The following TM9SF2 variants were observed in gnomAD, a reference collection of about 807,000 sequenced individuals.
TM9SF2 encodes the protein transmembrane 9 superfamily member 2, also known as 76 kDa membrane protein.
TM9SF2 carries 13 observed loss-of-function variants against 84.9 expected under a neutral mutation model. That is an observed-to-expected ratio of 0.15 (90% CI 0.10 to 0.24). The LOEUF (loss-of-function observed/expected upper bound fraction) is 0.24. Ranked by LOEUF, TM9SF2 falls within the 10% of genes least tolerant of loss-of-function variation. The pLI is 1.00. For synonymous variants in TM9SF2, 273 were observed against 285.8 expected, an observed-to-expected ratio of 0.96 and a Z score of 0.45; for missense variants, 562 against 818.5, an observed-to-expected ratio of 0.69 and a Z score of 3.82.
chr13:99,537,687 G>A, intron 5 of TM9SF2, 52 bp from the exon 6 acceptor site: 1 of 1,457,150 alleles, frequency 6.9e-7, no homozygotes, highest in Non-Finnish European at 9.2e-7. Flanking sequence ...TTTAAGTTTT[G>A]ACTCTTATGT....
At chr13:99,519,609 C>T (rs372954278) in intron 2 of TM9SF2, 4 of 162,350 alleles carry the variant, frequency 2.5e-5, no homozygotes, top group South Asian at 1.6e-4. Context: ...GGCAAGTGTA[C>T]TGAGATGAGA....
At chr13:99,519,503 C>G (rs992342567) in intron 2 of TM9SF2, 6 of 152,744 alleles carry the variant, frequency 3.9e-5, no homozygotes, top group African/African-American at 1.4e-4. Flanking sequence ...AAGGGAATTA[C>G]AACACAGGGA....
chr13:99,558,331 A>G (rs1428336773), intron 15 of TM9SF2, among the ~76,000 whole-genome samples: 1 of 152,174 alleles, frequency 6.6e-6, no homozygotes, highest in Non-Finnish European at 1.5e-5. Context: ...GAATTTGAGG[A>G]TTAACTTTTC....
chr13:99,562,740 T>G lies in TM9SF2; in HGVS notation c.1974T>G (p.Ser658Arg). 6.2e-7 allele frequency: 1 copy of G among 1,613,540 alleles called. No individual in the cohort carries two copies. Among genetic ancestry groups the G allele is most frequent in the Non-Finnish European group, 8.5e-7 (1 of 1,179,746 alleles). ...TTTGGTTTGTTACCAAAATATACAG[T>G]GTGGTGAAGGTTGACTGAAGAAGTC... ...ACFWFVTKIY[S>R]VVKVD is the part of the protein sequence containing the mutation. The change falls in exon 17 of 17, where the codon AGT (serine) becomes AGG (arginine). Residue 658 changes from serine (S) to arginine (R), a missense_variant. By Grantham distance (110) the Ser-to-Arg change is moderately radical. Around this residue, in one of 4 missense-constraint regions of TM9SF2, gnomAD observed 63 missense variants for 109.2 expected, o/e 0.58. Coordinates refer to ENST00000376387, the MANE Select transcript of TM9SF2 (RefSeq NM_004800.3).
At chr13:99,547,163 G>T in intron 11 of TM9SF2, 59 bp downstream of exon 11, 1 of 1,600,592 alleles carries the variant, frequency 6.2e-7, no homozygotes, top group Non-Finnish European at 8.5e-7. Flanking sequence ...TGCGGCTGTG[G>T]ATCTGACCTG....
At position 99,501,514 on chromosome 13, in the gene TM9SF2, C is replaced by G. The variant is rs1274779802; in HGVS notation, c.-93C>G. ...CCTTCTGGGGGCCGGCTTCCTTTAT[C>G]TCTGGCGGCCTTGTAGTCGTCTCCG... On this transcript the variant is annotated 5_prime_UTR_variant, in exon 1 of 17. It adds an upstream start codon to the 5' untranslated region. Coordinates refer to ENST00000376387, the MANE Select transcript of TM9SF2 (RefSeq NM_004800.3). 6.8e-7 allele frequency: 1 copy of G among 1,478,318 alleles called. No homozygotes were observed. The highest frequency in any genetic ancestry group is 9.1e-7 in the Non-Finnish European group (1 of 1,101,790). 91.6% of individuals were successfully genotyped at this position (1,478,318 alleles called of 1,614,324 possible).
intron 4 of TM9SF2, among the ~76,000 whole-genome samples, chr13:99,532,371 T>G (rs1204599113): frequency 6.6e-6 from 1 of 152,068 alleles, no homozygotes; most frequent in Non-Finnish European, 1.5e-5. Context: ...TTTTTAGCTC[T>G]TTCTTCTACC....
Position 99,501,754 on chromosome 13 carries a change from GA to G in TM9SF2, c.155del (p.Lys52ArgfsTer9). 1 of 1,609,040 alleles carries G rather than the reference GA, an allele frequency of 6.2e-7. No individual in the cohort carries two copies. On this transcript the variant is annotated frameshift_variant, in exon 1 of 17. Coordinates refer to ENST00000376387, the MANE Select transcript of TM9SF2 (RefSeq NM_004800.3). LOFTEE classifies it high-confidence loss of function. ...GGCGCCCGTCAACTTCTGCGACGAAGAAAAAAAGAGCGACGAGTGCAAGGTG... is the reference window on the plus strand; with the variant it reads ...GGCGCCCGTCAACTTCTGCGACGAAGAAAAAAGAGCGACGAGTGCAAGGTG... ...GLAPVNFCDE[E>X]KKSDECKAEI...
At chr13:99,527,700 G>A (rs2046190048) in intron 3 of TM9SF2, among the ~76,000 whole-genome samples, 1 of 152,178 alleles carries the variant, frequency 6.6e-6, no homozygotes, top group African/African-American at 2.4e-5. Context: ...CCTCAGATAT[G>A]GACTTTGATA....
intron 1 of TM9SF2, among the ~76,000 whole-genome samples, chr13:99,508,436 CA>C (rs1566562069): frequency 1.3e-5 from 2 of 151,428 alleles, no homozygotes; most frequent in African/African-American, 4.9e-5. Context: ...CACACACACA[CA>C]CACACACCCC....
At chr13:99,557,404 A>G (rs2046328968) in intron 15 of TM9SF2, among the ~76,000 whole-genome samples, 1 of 152,024 alleles carries the variant, frequency 6.6e-6, no homozygotes, top group Admixed American at 6.6e-5. Context: ...GTAAGAGTTT[A>G]TTTATTTATT....
At chr13:99,561,147 G>A (rs932427344) in intron 16 of TM9SF2, among the ~76,000 whole-genome samples, 4 of 152,156 alleles carry the variant, frequency 2.6e-5, no homozygotes, top group African/African-American at 9.7e-5. Flanking sequence ...GAAGCATTCT[G>A]GATAAGGGAG....
At chr13:99,556,063 T>C (rs2046323521) in intron 15 of TM9SF2, among the ~76,000 whole-genome samples, 1 of 152,208 alleles carries the variant, frequency 6.6e-6, no homozygotes, top group Admixed American at 6.5e-5. Flanking sequence ...TTAAAAAGTT[T>C]CTATAATCAC....
chr13:99,508,443 A>ACACACACACACACACACACACCCC (rs1311954976), intron 1 of TM9SF2, among the ~76,000 whole-genome samples: 2 of 147,446 alleles, frequency 1.4e-5, no homozygotes, highest in Non-Finnish European at 3.0e-5. Context: ...ACACACACAC[A>ACACACACACACACACACACACCCC]CCCCAGAGAT....
chr13:99,554,310 G>A lies in TM9SF2; in HGVS notation c.1495G>A (p.Glu499Lys). ...AYFGFKKNAI[E>K]HPVRTNQIPR... ...CTTCCTTTTTTTACTGAAGGCCATT[G>A]AACACCCAGTTCGAACCAATCAGAT... Residue 499 changes from glutamate to lysine, a missense_variant, in exon 14 of 17, where the codon GAA becomes AAA. Physicochemically the swap from Glu to Lys is moderately conservative, Grantham distance 56 (BLOSUM62 1). Around this residue, in one of 4 missense-constraint regions of TM9SF2, gnomAD observed 219 missense variants for 338.1 expected, o/e 0.65. Coordinates refer to ENST00000376387, the MANE Select transcript of TM9SF2 (RefSeq NM_004800.3). 3.7e-6 allele frequency: 6 copies of A among 1,610,986 alleles called. No homozygotes were observed. The highest frequency in any genetic ancestry group is 5.1e-6 in the Non-Finnish European group (6 of 1,178,732).
At chr13:99,510,750 C>G (rs2046110294) in intron 1 of TM9SF2, among the ~76,000 whole-genome samples, 1 of 152,206 alleles carries the variant, frequency 6.6e-6, no homozygotes, top group Non-Finnish European at 1.5e-5. Context: ...CTGGAGAATA[C>G]AATTTGACAT....
rs2046235703 is a variant in TM9SF2 at position 99,536,600 on chromosome 13, A to G, written c.462-8A>G. ...CTTTTCTAACTTAACTCCTCTTTCC[A>G]TGTGTAGGATTGTGGATAATATGCC... On this transcript the variant is annotated splice_region_variant and splice_polypyrimidine_tract_variant and intron_variant, in intron 4 of 16. Coordinates refer to ENST00000376387, the MANE Select transcript of TM9SF2 (RefSeq NM_004800.3). 1 of 1,609,796 alleles carries G rather than the reference A, an allele frequency of 6.2e-7. No homozygotes were observed.
chr13:99,536,857 G>A, intron 5 of TM9SF2, 120 bp downstream of exon 5: 3 of 1,067,358 alleles, frequency 2.8e-6, no homozygotes, highest in Non-Finnish European at 4.0e-6. Context: ...ATGTTCTGAA[G>A]TACAACTACT....
At chr13:99,540,879 C>CG in intron 8 of TM9SF2, 86 bp downstream of exon 8, 1 of 1,217,498 alleles carries the variant, frequency 8.2e-7, no homozygotes. Flanking sequence ...CAAATCCTCT[C>CG]TACTTTATTC....
Sources: gnomAD v4.1 joint callset for allele counts (sites outside exome capture counted in the v4.1 genomes callset) on GRCh38, gnomAD v4.1.1 for gene constraint, gnomAD v4.1.1 regional missense constraint, MANE v1.5 for transcripts, NCBI Gene and HGNC (gene_info 2026-07-23, HGNC 2026-07-21) for gene names.